FRMD3: variants seen among roughly 807,000 people sequenced by gnomAD.
The protein encoded by FRMD3 is FERM domain-containing protein 3.
FRMD3 carries 33 observed loss-of-function variants against 70.2 expected under a neutral mutation model. The ratio of observed to expected loss-of-function variants is 0.47; its 90% confidence interval spans 0.36 to 0.63. The LOEUF (loss-of-function observed/expected upper bound fraction) is 0.63. Among genes scored for constraint, FRMD3 ranks in the 20% least tolerant of loss-of-function variants. FRMD3 has a pLI of 0.00. For missense variants in FRMD3, 632 were observed against 711.4 expected, an observed-to-expected ratio of 0.89 and a Z score of 1.27; for synonymous variants, 279 against 255.9, an observed-to-expected ratio of 1.09 and a Z score of -0.86.
intron 1 of FRMD3, among the ~76,000 whole-genome samples, chr9:83,404,201 T>A (rs948559152): frequency 1.3e-5 from 2 of 152,164 alleles, no homozygotes; most frequent in African/African-American, 4.8e-5. Flanking sequence ...GATTAGTCAC[T>A]AAGGAGGAAA....
intron 1 of FRMD3, among the ~76,000 whole-genome samples, chr9:83,437,673 C>T (rs1178365951): frequency 6.6e-6 from 1 of 152,112 alleles, no homozygotes; most frequent in Admixed American, 6.6e-5. Context: ...AAGCAGATTC[C>T]ACCATTCTGA....
At chr9:83,410,920 G>A (rs540719867) in intron 1 of FRMD3, among the ~76,000 whole-genome samples, 1 of 152,190 alleles carries the variant, frequency 6.6e-6, no homozygotes, top group African/African-American at 2.4e-5. Context: ...GCTCAGAAGG[G>A]TGAGTTGCTT....
chr9:83,490,799 C>CACAT (rs1491303250), intron 1 of FRMD3, among the ~76,000 whole-genome samples: 3 of 69,322 alleles, frequency 4.3e-5, no homozygotes, highest in Non-Finnish European at 8.6e-5. Flanking sequence ...CTCTCTCTCT[C>CACAT]ACACACACAC....
intron 10 of FRMD3, among the ~76,000 whole-genome samples, chr9:83,300,337 C>G (rs10867982): frequency 0.49 from 73,865 of 151,998 alleles, 20,446 homozygotes; most frequent in East Asian, 0.64. Context: ...GGGCACGGTG[C>G]AAGTGGTGGT....
At chr9:83,424,679 T>C (rs923476892) in intron 1 of FRMD3, among the ~76,000 whole-genome samples, 2 of 152,242 alleles carry the variant, frequency 1.3e-5, no homozygotes, top group Non-Finnish European at 2.9e-5. Context: ...AAATAATCTA[T>C]CTGTAGCATT....
chr9:83,410,012 C>G (rs562607929), intron 1 of FRMD3, among the ~76,000 whole-genome samples: 4 of 152,354 alleles, frequency 2.6e-5, no homozygotes, highest in African/African-American at 9.6e-5. Context: ...TCCTCCAGGT[C>G]AGACGACTCC....
chr9:83,479,759 AAGGGAGGGAGGG>A (rs369358306), intron 1 of FRMD3, among the ~76,000 whole-genome samples: 3,874 of 91,782 alleles, frequency 0.042, 219 homozygotes, highest in African/African-American at 0.084. Flanking sequence ...AGAGAAGAAG[AAGGGAGGGAGGG>A]AGGGAGGGAG....
intron 12 of FRMD3, among the ~76,000 whole-genome samples, chr9:83,295,081 G>C (rs1196642263): frequency 3.9e-5 from 6 of 152,158 alleles, no homozygotes; most frequent in South Asian, 4.1e-4. Context: ...TGTACTCCCA[G>C]CATAGAATGG....
chr9:83,579,301 T>TAAAAAA, the FRMD3 span, among the ~76,000 whole-genome samples: 1 of 141,738 alleles, frequency 7.1e-6, no homozygotes, highest in African/African-American at 2.6e-5. Flanking sequence ...CAGAGAAATG[T>TAAAAAA]AAAAAAAAAA....
intron 1 of FRMD3, among the ~76,000 whole-genome samples, chr9:83,418,352 A>G (rs574658297): frequency 3.3e-5 from 5 of 152,298 alleles, no homozygotes; most frequent in Middle Eastern, 3.4e-3. Flanking sequence ...ACCCACAGAA[A>G]GGGAGAAAAT....
chr9:83,398,326 T>C (rs1379442469), intron 1 of FRMD3, among the ~76,000 whole-genome samples: 1 of 152,226 alleles, frequency 6.6e-6, no homozygotes, highest in African/African-American at 2.4e-5. Flanking sequence ...GATATTACGC[T>C]GTGATATATA....
rs1587808736 is a variant in FRMD3 at position 83,392,059 on chromosome 9, C to T, written c.148-2351G>A. On this transcript the variant is annotated intron_variant, in intron 1 of 13. Coordinates refer to ENST00000304195, the MANE Select transcript of FRMD3 (RefSeq NM_174938.6). ...TGGGAAAAGCACAAAATTTTCCTTT[C>T]TCCAGGGACCACCACAAAGAAAAAA... is the stretch of plus-strand genomic sequence containing the variant. 2.0e-5 allele frequency among the ~76,000 whole-genome samples: 3 copies of T among 152,048 alleles called. No individual in the cohort carries two copies. The South Asian group carries it at 6.2e-4, about 32-fold the overall frequency.
chr9:83,390,132 C>A (rs1564054077), intron 1 of FRMD3, among the ~76,000 whole-genome samples: 1 of 152,318 alleles, frequency 6.6e-6, no homozygotes, highest in South Asian at 2.1e-4. Context: ...CCAGTTCTCA[C>A]AATGATCCTA....
At chr9:83,578,058 C>T in the FRMD3 span, among the ~76,000 whole-genome samples, 12 of 151,622 alleles carry the variant, frequency 7.9e-5, no homozygotes, top group East Asian at 1.9e-4. Context: ...CATATGCTAA[C>T]AAATTGGATA....
chr9:83,306,436 C>A (rs190120416), intron 10 of FRMD3, among the ~76,000 whole-genome samples: 19 of 152,304 alleles, frequency 1.2e-4, no homozygotes, highest in Admixed American at 1.0e-3. Flanking sequence ...TCTGCTCCAA[C>A]CTTGTAGCCA....
intron 10 of FRMD3, among the ~76,000 whole-genome samples, chr9:83,299,460 G>C (rs1359167): frequency 0.48 from 73,216 of 151,980 alleles, 20,353 homozygotes; most frequent in East Asian, 0.64. Flanking sequence ...TTCATTAGTG[G>C]GTCACAACCT....
chr9:83,469,180 C>A (rs908279498), intron 1 of FRMD3, among the ~76,000 whole-genome samples: 1 of 152,188 alleles, frequency 6.6e-6, no homozygotes, highest in Non-Finnish European at 1.5e-5. Context: ...TGGAGACAGT[C>A]CATCGCCAAG....
chr9:83,290,691 C>T lies in FRMD3; in HGVS notation c.1107G>A (p.Leu369=). 6.2e-7 allele frequency: 1 copy of T among 1,613,764 alleles called. No homozygotes were observed. Among genetic ancestry groups the T allele is most frequent in the East Asian group, 2.2e-5 (1 of 44,880 alleles). The change falls in exon 13 of 14, where the codon TTG becomes TTA. Residue 369 remains leucine, a synonymous_variant. Transcript: ENST00000304195. ...NITQSRSSHS[L]NKQLIINMEP... is the part of the protein sequence containing the mutation. ...CCATGTTAATGATGAGCTGTTTGTT[C>T]AAGGAGTGGGAACTGCGGCTCTGAG...
chr9:83,352,731 G>T lies in FRMD3; in HGVS notation c.296-2974C>A, dbSNP rs79442767. 4.2e-3 allele frequency among the ~76,000 whole-genome samples: 644 copies of T among 152,256 alleles called. 1 individual carries two copies. Among genetic ancestry groups the T allele is most frequent in the African/African-American group, 0.015 (622 of 41,548 alleles). On this transcript the variant is annotated intron_variant, in intron 3 of 13. Transcript: ENST00000304195. ...GCCCCTCCACCCTAAGTAGATTCTT[G>T]TCTGCTCTATGCTTCCTCAAGCCAG...
Sources: allele counts gnomAD v4.1 joint callset (sites outside exome capture counted in the v4.1 genomes callset), GRCh38; gene constraint gnomAD v4.1.1; transcripts MANE v1.5; gene names NCBI Gene and HGNC (gene_info 2026-07-23, HGNC 2026-07-21).